The following KIAA1210 variants were observed in gnomAD, a reference collection of about 807,000 sequenced individuals.
KIAA1210 encodes KIAA1210.
KIAA1210 carries 48 observed loss-of-function variants against 78.9 expected under a neutral mutation model. The observed-to-expected ratio is 0.61, with a 90% CI of 0.48 to 0.77. The LOEUF (loss-of-function observed/expected upper bound fraction) is 0.77. KIAA1210 is among the 30% of genes least tolerant of loss of function. KIAA1210 has a pLI of 0.00. For synonymous variants in KIAA1210, 406 were observed against 404.5 expected (o/e 1.00, Z -0.04); for missense variants, 1,108 against 1,100.0 (o/e 1.01, Z -0.10).
chrX:119,128,174 T>C (rs1928696812), upstream of KIAA1210, among the ~76,000 whole-genome samples: 1 of 112,295 alleles, frequency 8.9e-6, no homozygotes, highest in South Asian at 3.7e-4. Context: ...CTGCTTTTAA[T>C]AATATATTTT....
chrX:119,132,229 C>A (rs767162006), upstream of KIAA1210, among the ~76,000 whole-genome samples: 1,916 of 112,297 alleles, frequency 0.017, 47 homozygotes, highest in African/African-American at 0.058. Context: ...CAGCTAAGCC[C>A]AGTCTGGACT....
chrX:119,086,096 C>T (rs770032730), intron 9 of KIAA1210, among the ~76,000 whole-genome samples: 31 of 112,200 alleles, frequency 2.8e-4, no homozygotes, highest in Non-Finnish European at 5.3e-4. Context: ...TTCAGATGAG[C>T]GAAGAGACAT....
intron 2 of KIAA1210, among the ~76,000 whole-genome samples, chrX:119,133,627 TGGGTA>T (rs1569323462): frequency 2.7e-5 from 3 of 110,135 alleles, no homozygotes; most frequent in African/African-American, 9.9e-5. Context: ...CACGGGAACC[TGGGTA>T]GAGGAGGAGA....
At chrX:119,142,615 T>C (rs1415976475) in intron 2 of KIAA1210, among the ~76,000 whole-genome samples, 1 of 108,839 alleles carries the variant, frequency 9.2e-6, no homozygotes, top group Non-Finnish European at 1.9e-5. Context: ...CCATCTCTAC[T>C]AAAAATACAA....
intron 3 of KIAA1210, among the ~76,000 whole-genome samples, chrX:119,110,834 T>C (rs183003605): frequency 1.2e-4 from 13 of 111,485 alleles, no homozygotes; most frequent in African/African-American, 3.2e-4. Flanking sequence ...TGTTCATTCA[T>C]TGGAAGACTT....
At chrX:119,085,324 C>T (rs1927093875) in intron 10 of KIAA1210, 59 bp downstream of exon 10, 1 of 1,097,891 alleles carries the variant, frequency 9.1e-7, no homozygotes, top group Non-Finnish European at 1.2e-6. Context: ...CCAATAGAAA[C>T]CTAATCAGTG....
intron 6 of KIAA1210, among the ~76,000 whole-genome samples, chrX:119,102,954 C>G (rs1276866026): frequency 8.9e-6 from 1 of 112,158 alleles, no homozygotes; most frequent in African/African-American, 3.2e-5. Context: ...GCATAAGTGA[C>G]TATTCCTCTA....
chrX:119,120,533 A>G (rs1017224966), intron 2 of KIAA1210, among the ~76,000 whole-genome samples: 6 of 112,234 alleles, frequency 5.3e-5, no homozygotes, highest in Non-Finnish European at 1.1e-4. Flanking sequence ...TCAACAAACA[A>G]TCATTGTATG....
At chrX:119,119,818 T>C (rs1334247104) in intron 2 of KIAA1210, among the ~76,000 whole-genome samples, 2 of 108,003 alleles carry the variant, frequency 1.9e-5, no homozygotes, top group African/African-American at 6.8e-5. Context: ...CTACTAAAAA[T>C]ACAAAAAATT....
exon 2 of KIAA1210, chrX:119,147,548 C>T: frequency 8.3e-7 from 1 of 1,210,130 alleles, no homozygotes; most frequent in Non-Finnish European, 1.1e-6. Flanking sequence ...GGCCAGATCC[C>T]CAAGATTACC....
chrX:119,144,150 T>A (rs960915705), intron 2 of KIAA1210, among the ~76,000 whole-genome samples: 1 of 112,075 alleles, frequency 8.9e-6, no homozygotes, highest in East Asian at 2.8e-4. Flanking sequence ...GGTTTGCCCA[T>A]ATAGTGCTCT....
chrX:119,092,488 G>A (rs776596858), intron 8 of KIAA1210, among the ~76,000 whole-genome samples: 63 of 112,263 alleles, frequency 5.6e-4, no homozygotes, highest in South Asian at 5.2e-3. Context: ...AAGGCTGGGT[G>A]CAGTGGCTCA....
intron 2 of KIAA1210, among the ~76,000 whole-genome samples, chrX:119,144,387 AG>A (rs947443294): frequency 3.5e-5 from 4 of 112,864 alleles, no homozygotes; most frequent in Non-Finnish European, 7.5e-5. Flanking sequence ...ATGAAAGCAC[AG>A]CTGTGTAATG....
rs369606268 is a variant in KIAA1210, at chrX:119,094,087, G to A, written c.847-312C>T. ...TGGAAATGACTGAACCACACTGGAA[G>A]GCCACGAATCTGAAAACGGGGTCAT... On this transcript the variant is annotated intron_variant, in intron 7 of 11. Transcript: ENST00000691062. 9 of 1,190,854 alleles carry A rather than the reference G, an allele frequency of 7.6e-6. No homozygotes were observed. The African/African-American group carries it at 1.4e-4, about 19-fold the overall frequency.
At chrX:119,092,759 T>TAAATAAA (rs746567004) in intron 8 of KIAA1210, among the ~76,000 whole-genome samples, 15 of 85,325 alleles carry the variant, frequency 1.8e-4, no homozygotes, top group African/African-American at 5.8e-4. Flanking sequence ...AGACTCCGTC[T>TAAATAAA]TAAATAAATA....
chrX:119,102,628 A>G (rs1927768237), intron 6 of KIAA1210, among the ~76,000 whole-genome samples: 1 of 111,632 alleles, frequency 9.0e-6, no homozygotes, highest in African/African-American at 3.3e-5. Flanking sequence ...ATCCAGGTAA[A>G]GCATGAGATA....
At chrX:119,131,649 A>G (rs1331239622), upstream of KIAA1210, among the ~76,000 whole-genome samples, 1 of 113,028 alleles carries the variant, frequency 8.8e-6, no homozygotes. Flanking sequence ...TCAAAGCTGC[A>G]GCAGATGCTG....
chrX:119,136,871 G>A (rs988768938), intron 2 of KIAA1210, among the ~76,000 whole-genome samples: 4 of 110,964 alleles, frequency 3.6e-5, no homozygotes, highest in African/African-American at 1.3e-4. Flanking sequence ...AGAGTTATCC[G>A]AAGGTTCTCT....
intron 9 of KIAA1210, 72 bp from the exon 10 acceptor site, chrX:119,085,618 C>A: frequency 1.1e-6 from 1 of 950,619 alleles, no homozygotes; most frequent in Non-Finnish European, 1.4e-6. Context: ...GGGGCTTACC[C>A]ACAATAATAT....
Sources: gnomAD v4.1 joint callset for allele counts (sites outside exome capture counted in the v4.1 genomes callset) on GRCh38, gnomAD v4.1.1 for gene constraint, MANE v1.5 for transcripts, NCBI Gene and HGNC (gene_info 2026-07-23, HGNC 2026-07-21) for gene names.